The following FGF10 variants were observed in gnomAD, a reference collection of about 807,000 sequenced individuals.
FGF10 encodes fibroblast growth factor 10, also known as FGF-10.
Under a neutral mutation model 19.8 loss-of-function variants are expected in FGF10, and 2 were observed. The ratio of observed to expected loss-of-function variants is 0.10; its 90% CI spans 0.04 to 0.32. The LOEUF (loss-of-function observed/expected upper bound fraction) is 0.32. FGF10 is among the 10% of genes least tolerant of loss of function. The probability of loss-of-function intolerance (pLI) is 1.00; values close to 1 mark genes in which losing one functional copy is unlikely to be tolerated. For synonymous variants in FGF10, 112 were observed against 94.0 expected (o/e 1.19, Z -1.10); for missense variants, 191 against 246.3 (o/e 0.78, Z 1.50).
chr5:44,312,252 T>C (rs1330361600), intron 1 of FGF10, among the ~76,000 whole-genome samples: 4 of 151,954 alleles, frequency 2.6e-5, no homozygotes, highest in Non-Finnish European at 4.4e-5. Flanking sequence ...AAATATTTTC[T>C]TAATTCACAC....
At position 44,336,868 on chromosome 5, in the gene FGF10, C is replaced by A. The variant is rs560570599; in HGVS notation, c.326-26338G>T. Among the ~76,000 whole-genome samples, 8 of 152,180 alleles carry A rather than the reference C, an allele frequency of 5.3e-5. No individual in the cohort carries two copies. The East Asian group carries it at 1.5e-3, about 29-fold the overall frequency. ...AGTTACGTTCCATCTAAGGTGAAATCTAGATAGAGGAAGTGACATGGAAGA... is the reference window on the plus strand; with the variant it reads ...AGTTACGTTCCATCTAAGGTGAAATATAGATAGAGGAAGTGACATGGAAGA... On this transcript the variant is annotated intron_variant, in intron 1 of 2. Transcript: ENST00000264664.
At chr5:44,375,840 T>A (rs1741842289) in intron 1 of FGF10, among the ~76,000 whole-genome samples, 1 of 152,130 alleles carries the variant, frequency 6.6e-6, no homozygotes, top group African/African-American at 2.4e-5. Context: ...CTAGGTTTTA[T>A]CCTCAATTAT....
chr5:44,321,463 T>A (rs1740485350), intron 1 of FGF10, among the ~76,000 whole-genome samples: 1 of 152,208 alleles, frequency 6.6e-6, no homozygotes, highest in Non-Finnish European at 1.5e-5. Context: ...TTCAAGTCTT[T>A]GAATGAATAT....
At chr5:44,388,250 G>C (rs554952940) in intron 1 of FGF10, 108 bp downstream of exon 1, 18 of 990,800 alleles carry the variant, frequency 1.8e-5, no homozygotes, top group South Asian at 1.7e-4. Context: ...ATTTTACAGG[G>C]GTTGGGGACG....
chr5:44,301,293 C>T lies in FGF10; in HGVS notation c.*3702G>A, dbSNP rs1739959712. Among the ~76,000 whole-genome samples, 1 of 152,002 alleles carries T rather than the reference C, an allele frequency of 6.6e-6. No individual in the cohort carries two copies. The highest frequency in any genetic ancestry group is 6.6e-5 in the Admixed American group (1 of 15,242). On this transcript the variant is annotated 3_prime_UTR_variant, in exon 3 of 3. Coordinates refer to ENST00000264664, the MANE Select transcript of FGF10 (RefSeq NM_004465.2). Reference sequence around the variant, plus strand: ...AACTTTATTTAGACAAAGTTTGGACCAGCTGAACCCTTCAGTAATATGAAA... The same window carrying T: ...AACTTTATTTAGACAAAGTTTGGACTAGCTGAACCCTTCAGTAATATGAAA...
chr5:44,365,557 G>T (rs900979798), intron 1 of FGF10, among the ~76,000 whole-genome samples: 2 of 151,936 alleles, frequency 1.3e-5, no homozygotes, highest in South Asian at 2.1e-4. Flanking sequence ...AATGAAAATG[G>T]TTTTTTCCCC....
chr5:44,372,862 A>T (rs558261020), intron 1 of FGF10, among the ~76,000 whole-genome samples: 11 of 152,320 alleles, frequency 7.2e-5, no homozygotes, highest in Non-Finnish European at 1.6e-4. Context: ...AAGGCCTGGG[A>T]ATCAGCCTCT....
rs1739960965 is a variant in FGF10 at position 44,301,373 on chromosome 5, A to G, written c.*3622T>C. On this transcript the variant is annotated 3_prime_UTR_variant, in exon 3 of 3. Transcript: ENST00000264664. Reference sequence around the variant, plus strand: ...CAAACCTTGAATTGGCAGCATCCAAATTATTAGAACTGTGCAGCATTAATG... The same window carrying G: ...CAAACCTTGAATTGGCAGCATCCAAGTTATTAGAACTGTGCAGCATTAATG... Among the ~76,000 whole-genome samples, 1 of 152,218 alleles carries G rather than the reference A, an allele frequency of 6.6e-6. No homozygotes were observed.
rs1739946891 is a variant in FGF10 at position 44,300,499 on chromosome 5, T to C, written c.*4496A>G. Among the ~76,000 whole-genome samples the C allele has an allele frequency of 6.6e-6, 1 of 152,144 alleles. No homozygotes were observed. The highest frequency in any genetic ancestry group is 1.5e-5 in the Non-Finnish European group (1 of 68,016). On this transcript the variant is annotated 3_prime_UTR_variant, in exon 3 of 3. Coordinates refer to ENST00000264664, the MANE Select transcript of FGF10 (RefSeq NM_004465.2). The stretch of plus-strand genomic sequence containing the variant: ...AGCCTAGCTATATCCAGGGCCCTAC[T>C]CTTGGCTTAAAACAAAACAATGCAA...
chr5:44,316,978 A>G (rs910436518), intron 1 of FGF10, among the ~76,000 whole-genome samples: 1 of 152,168 alleles, frequency 6.6e-6, no homozygotes, highest in African/African-American at 2.4e-5. Flanking sequence ...CCCCTTAAAT[A>G]TATGCACATG....
chr5:44,374,083 C>T (rs767637336), intron 1 of FGF10, among the ~76,000 whole-genome samples: 4 of 152,130 alleles, frequency 2.6e-5, no homozygotes, highest in Non-Finnish European at 5.9e-5. Flanking sequence ...GTCAGCAGGG[C>T]CAAACTCCTC....
chr5:44,315,296 G>A (rs1740312346), intron 1 of FGF10, among the ~76,000 whole-genome samples: 1 of 152,084 alleles, frequency 6.6e-6, no homozygotes. Flanking sequence ...TGGTGTTTGA[G>A]GTGACTTTTC....
chr5:44,320,640 T>A (rs1209871081), intron 1 of FGF10, among the ~76,000 whole-genome samples: 1 of 152,222 alleles, frequency 6.6e-6, no homozygotes, highest in Non-Finnish European at 1.5e-5. Context: ...CCATAAAACC[T>A]TTAAAACTTC....
intron 1 of FGF10, among the ~76,000 whole-genome samples, chr5:44,325,975 A>G (rs921387119): frequency 5.3e-5 from 8 of 152,228 alleles, no homozygotes; most frequent in Non-Finnish European, 1.2e-4. Flanking sequence ...CACAGTCACT[A>G]TTATTCAATA....
intron 1 of FGF10, among the ~76,000 whole-genome samples, chr5:44,344,106 G>A (rs1489469743): frequency 6.6e-6 from 1 of 151,914 alleles, no homozygotes; most frequent in Non-Finnish European, 1.5e-5. Flanking sequence ...AACAGAACAA[G>A]CCAGGTTGGA....
At chr5:44,327,410 G>A (rs1740639883) in intron 1 of FGF10, among the ~76,000 whole-genome samples, 1 of 152,014 alleles carries the variant, frequency 6.6e-6, no homozygotes, top group African/African-American at 2.4e-5. Context: ...GACCACTTTG[G>A]CTCCCTTTTC....
intron 1 of FGF10, among the ~76,000 whole-genome samples, chr5:44,315,509 T>C (rs1376433193): frequency 6.6e-6 from 1 of 152,168 alleles, no homozygotes; most frequent in African/African-American, 2.4e-5. Context: ...AGTGGTGCTT[T>C]TCTGGGTGAG....
At chr5:44,315,497 G>A (rs1740318756) in intron 1 of FGF10, among the ~76,000 whole-genome samples, 1 of 152,124 alleles carries the variant, frequency 6.6e-6, no homozygotes, top group Non-Finnish European at 1.5e-5. Flanking sequence ...TCATTGAGTG[G>A]TAGTGGTGCT....
chr5:44,353,095 C>T lies in FGF10; in HGVS notation c.325+35263G>A, dbSNP rs576701341. 2.4e-4 allele frequency among the ~76,000 whole-genome samples: 36 copies of T among 151,610 alleles called. 3 individuals are homozygous for T. In the South Asian group the frequency reaches 7.3e-3, roughly 31 times the overall value. ...TACAGAGACGCAACTGATTTCATAG[C>T]GATCTTATGATGATTATGAATGAGA... On this transcript the variant is annotated intron_variant, in intron 1 of 2. Transcript: ENST00000264664.
Sources: allele counts gnomAD v4.1 joint callset (sites outside exome capture counted in the v4.1 genomes callset), GRCh38; gene constraint gnomAD v4.1.1; transcripts MANE v1.5; gene names NCBI Gene and HGNC (gene_info 2026-07-23, HGNC 2026-07-21).